MSI2: variants seen among roughly 807,000 people sequenced by gnomAD.
MSI2 encodes musashi RNA binding protein 2.
MSI2 carries 17 observed loss-of-function variants against 45.6 expected under a neutral mutation model. The ratio of observed to expected loss-of-function variants is 0.37; its 90% CI spans 0.26 to 0.56. The LOEUF (loss-of-function observed/expected upper bound fraction) is 0.56. Among genes scored for constraint, MSI2 ranks in the 20% least tolerant of loss-of-function variants. The pLI is 0.77. For missense variants in MSI2, 293 were observed against 444.2 expected, an observed-to-expected ratio of 0.66 and a Z score of 3.06; for synonymous variants, 156 against 158.2, an observed-to-expected ratio of 0.99 and a Z score of 0.11.
intron 6 of MSI2, among the ~76,000 whole-genome samples, chr17:57,458,122 A>G (rs926945621): frequency 8.8e-5 from 11 of 125,410 alleles, no homozygotes; most frequent in Non-Finnish European, 1.4e-4. Flanking sequence ...TTTTTTGGAG[A>G]TGGAGTCTCG....
intron 7 of MSI2, among the ~76,000 whole-genome samples, chr17:57,567,372 C>T (rs2087760869): frequency 1.3e-5 from 2 of 152,196 alleles, no homozygotes; most frequent in African/African-American, 4.8e-5. Flanking sequence ...TCAGTGAATG[C>T]CTTTTTCCAG....
intron 6 of MSI2, among the ~76,000 whole-genome samples, chr17:57,430,361 T>C (rs1208338598): frequency 6.6e-6 from 1 of 152,170 alleles, no homozygotes; most frequent in African/African-American, 2.4e-5. Context: ...TTCTTTCTCT[T>C]ATCATGTGGT....
chr17:57,377,255 T>C (rs959928092), intron 5 of MSI2, among the ~76,000 whole-genome samples: 9 of 152,186 alleles, frequency 5.9e-5, no homozygotes, highest in African/African-American at 1.9e-4. Flanking sequence ...GGATAGTCAG[T>C]TCAGAAGGAA....
chr17:57,482,966 C>T (rs1336153648), intron 6 of MSI2, among the ~76,000 whole-genome samples: 1 of 152,172 alleles, frequency 6.6e-6, no homozygotes, highest in East Asian at 1.9e-4. Context: ...TGTGTGCATG[C>T]TGGGAGGTTT....
chr17:57,323,989 G>A (rs1913567565), intron 5 of MSI2, among the ~76,000 whole-genome samples: 1 of 152,168 alleles, frequency 6.6e-6, no homozygotes, highest in Non-Finnish European at 1.5e-5. Context: ...GGAAGACTAG[G>A]TTGTCCCTGT....
intron 5 of MSI2, among the ~76,000 whole-genome samples, chr17:57,311,248 G>C (rs1349598235): frequency 6.6e-6 from 1 of 152,228 alleles, no homozygotes; most frequent in Non-Finnish European, 1.5e-5. Flanking sequence ...GTGACACATA[G>C]GGTCTATGGT....
At chr17:57,287,469 C>G (rs567575439) in intron 5 of MSI2, among the ~76,000 whole-genome samples, 1 of 152,290 alleles carries the variant, frequency 6.6e-6, no homozygotes, top group East Asian at 1.9e-4. Context: ...CCGGGGCTTA[C>G]CATCCTAACT....
intron 7 of MSI2, among the ~76,000 whole-genome samples, chr17:57,542,007 G>T (rs763438161): frequency 6.6e-6 from 1 of 152,118 alleles, no homozygotes; most frequent in Non-Finnish European, 1.5e-5. Context: ...ATCTCGGAGG[G>T]CTGGGCTGGT....
chr17:57,267,655 C>T (rs972501385), intron 5 of MSI2: 4 of 151,666 alleles, frequency 2.6e-5, no homozygotes, highest in Non-Finnish European at 5.9e-5. Flanking sequence ...CTCTCTCTTC[C>T]CGTTTGATCT....
intron 7 of MSI2, among the ~76,000 whole-genome samples, chr17:57,547,217 G>A (rs2087190090): frequency 6.6e-6 from 1 of 152,214 alleles, no homozygotes; most frequent in East Asian, 1.9e-4. Context: ...GACAGTGGTA[G>A]AGATGACTGA....
chr17:57,345,724 C>T (rs1424881049), intron 5 of MSI2, among the ~76,000 whole-genome samples: 1 of 149,612 alleles, frequency 6.7e-6, no homozygotes, highest in Non-Finnish European at 1.5e-5. Flanking sequence ...GAGGCTAAGG[C>T]AGGAGAATCG....
intron 5 of MSI2, among the ~76,000 whole-genome samples, chr17:57,363,986 A>C (rs1917011815): frequency 6.6e-6 from 1 of 152,144 alleles, no homozygotes; most frequent in African/African-American, 2.4e-5. Flanking sequence ...CTTCCCAGGT[A>C]AGGGGCTCCA....
In MSI2 at chr17:57,529,756, T is replaced by C; in HGVS notation, c.454+32T>C. On this transcript the variant is annotated intron_variant, in intron 7 of 13. Transcript: ENST00000284073. The surrounding 1 kb of genome is among the most constrained non-coding windows in gnomAD (Gnocchi z 5.3). ...TTACCCCAGTGTAAGAGGGTTGCGT[T>C]CACCCTCTCCTGGCCTCTCTGTCTG... 1 of 1,581,904 alleles carries C rather than the reference T, an allele frequency of 6.3e-7. No homozygotes were observed. The highest frequency in any genetic ancestry group is 8.7e-7 in the Non-Finnish European group (1 of 1,155,836).
At chr17:57,394,719 C>G (rs1462376370) in intron 5 of MSI2, among the ~76,000 whole-genome samples, 1 of 152,232 alleles carries the variant, frequency 6.6e-6, no homozygotes, top group Admixed American at 6.5e-5. Context: ...CAGAGATGTC[C>G]TCCCTGTGGC....
chr17:57,256,072 G>C (rs1196281646), upstream of MSI2: 1 of 152,314 alleles, frequency 6.6e-6, no homozygotes, highest in Non-Finnish European at 1.5e-5. Flanking sequence ...TGCCATTCCC[G>C]GATCTCGGCG....
chr17:57,532,839 C>G (rs1340267305), intron 7 of MSI2, among the ~76,000 whole-genome samples: 1 of 152,260 alleles, frequency 6.6e-6, no homozygotes, highest in African/African-American at 2.4e-5. Context: ...TGTCACAGCA[C>G]ATGCTCAGCA....
chr17:57,623,256 C>A (rs1567943001), intron 9 of MSI2, among the ~76,000 whole-genome samples: 1 of 152,166 alleles, frequency 6.6e-6, no homozygotes, highest in African/African-American at 2.4e-5. Context: ...ATATGTCACA[C>A]TCTGGCAGTT....
chr17:57,583,294 G>A (rs2088253478), intron 7 of MSI2, among the ~76,000 whole-genome samples: 1 of 152,166 alleles, frequency 6.6e-6, no homozygotes, highest in South Asian at 2.1e-4. Context: ...GAGTAAATGA[G>A]GAGCCCCACC....
chr17:57,431,344 G>A (rs1259164151), intron 6 of MSI2, among the ~76,000 whole-genome samples: 4 of 152,218 alleles, frequency 2.6e-5, no homozygotes, highest in East Asian at 1.9e-4. Context: ...CCTTGGGCCC[G>A]AACTGGCAGC....
Sources: allele counts gnomAD v4.1 joint callset (sites outside exome capture counted in the v4.1 genomes callset), GRCh38; gene constraint gnomAD v4.1.1; non-coding constraint Gnocchi (gnomAD v3.1); transcripts MANE v1.5; gene names NCBI Gene and HGNC (gene_info 2026-07-23, HGNC 2026-07-21).